The following ADAMTSL1 variants were observed in gnomAD, a reference collection of about 807,000 sequenced individuals.
ADAMTSL1 encodes the protein ADAMTS-like protein 1.
A neutral mutation model predicts 201.8 loss-of-function variants in ADAMTSL1; 126 were observed. The ratio of observed to expected loss-of-function variants is 0.62; its 90% confidence interval spans 0.54 to 0.72. ADAMTSL1 has a LOEUF of 0.72. Ranked by LOEUF, ADAMTSL1 falls within the 30% of genes least tolerant of loss-of-function variation. The pLI is 0.00. For synonymous variants in ADAMTSL1, 1,121 were observed against 903.4 expected (o/e 1.24, Z -4.32); for missense variants, 2,679 against 2,277.8 (o/e 1.18, Z -3.59).
At chr9:18,432,102 A>G (rs1173542599) in intron 2 of ADAMTSL1, among the ~76,000 whole-genome samples, 1 of 152,224 alleles carries the variant, frequency 6.6e-6, no homozygotes, top group East Asian at 1.9e-4. Context: ...CCAGCTCATT[A>G]ACTTTGGTCT....
At chr9:18,683,810 C>T (rs1830665146) in intron 12 of ADAMTSL1, among the ~76,000 whole-genome samples, 1 of 152,180 alleles carries the variant, frequency 6.6e-6, no homozygotes. Flanking sequence ...TCTGGATTTT[C>T]ACAACCAAGG....
chr9:18,054,719 A>G (rs1822096987), intron 1 of ADAMTSL1, among the ~76,000 whole-genome samples: 1 of 152,236 alleles, frequency 6.6e-6, no homozygotes, highest in Admixed American at 6.5e-5. Context: ...TTGGGGTTAC[A>G]TGTACTTCAA....
In ADAMTSL1 at chr9:18,561,624, G is replaced by A. The variant is rs147743290; in HGVS notation, c.238-12406G>A. Reference sequence around the variant, plus strand: ...TGTTGATCTGTCTAATATTGACAGTGGGGTGTTAAAATCTCTCAATATTAT... The same window carrying A: ...TGTTGATCTGTCTAATATTGACAGTAGGGTGTTAAAATCTCTCAATATTAT... On this transcript the variant is annotated intron_variant, in intron 3 of 28. Coordinates refer to ENST00000380548, the MANE Select transcript of ADAMTSL1 (RefSeq NM_001040272.6). Among the ~76,000 whole-genome samples, 5 of 152,250 alleles carry A rather than the reference G, an allele frequency of 3.3e-5. No homozygotes were observed. The East Asian group carries it at 7.7e-4, about 23-fold the overall frequency.
rs111725512 is a variant in ADAMTSL1 at position 18,855,087 on chromosome 9, T to G, written c.4249+25110T>G. Among the ~76,000 whole-genome samples the G allele has an allele frequency of 5.9e-3, 898 of 152,302 alleles. 9 individuals carry two copies. Among genetic ancestry groups the G allele is most frequent in the African/African-American group, 0.021 (864 of 41,544 alleles). ...CTACTCTGTGCCAAGAATTCTGATATCTTGACCATCACAGAGCTTACAGAT... is the reference window on the plus strand; with the variant it reads ...CTACTCTGTGCCAAGAATTCTGATAGCTTGACCATCACAGAGCTTACAGAT... On this transcript the variant is annotated intron_variant, in intron 23 of 28. Coordinates refer to ENST00000380548, the MANE Select transcript of ADAMTSL1 (RefSeq NM_001040272.6).
At chr9:18,026,402 G>A (rs1820697113) in intron 1 of ADAMTSL1, among the ~76,000 whole-genome samples, 1 of 151,746 alleles carries the variant, frequency 6.6e-6, no homozygotes, top group South Asian at 2.1e-4. Context: ...CTTTGTTTAG[G>A]GTTTTACTTG....
At chr9:18,846,171 G>A (rs893519495) in intron 23 of ADAMTSL1, among the ~76,000 whole-genome samples, 2 of 152,204 alleles carry the variant, frequency 1.3e-5, no homozygotes, top group Admixed American at 1.3e-4. Context: ...AGGTACTGAG[G>A]ACACAGTAAT....
chr9:18,445,404 A>G (rs904496161), intron 2 of ADAMTSL1, among the ~76,000 whole-genome samples: 37 of 152,170 alleles, frequency 2.4e-4, no homozygotes, highest in African/African-American at 6.5e-4. Flanking sequence ...GAGTTCACCT[A>G]CATTCCTACA....
chr9:17,932,278 C>T (rs974491315), intron 1 of ADAMTSL1, among the ~76,000 whole-genome samples: 7 of 152,170 alleles, frequency 4.6e-5, no homozygotes, highest in Admixed American at 1.3e-4. Flanking sequence ...CCTGGGTTGG[C>T]AATTCCAGGG....
chr9:18,722,032 G>A (rs1833419403), intron 15 of ADAMTSL1, among the ~76,000 whole-genome samples: 1 of 152,164 alleles, frequency 6.6e-6, no homozygotes, highest in Admixed American at 6.5e-5. Context: ...TAATGAACTG[G>A]TCTGTGAATT....
rs140907781 is a variant in ADAMTSL1, at chr9:18,703,045, A to T, written c.1575-3702A>T. Among the ~76,000 whole-genome samples, 677 of 152,318 alleles carry T rather than the reference A, an allele frequency of 4.4e-3. 9 individuals are homozygous for T. Among genetic ancestry groups the T allele is most frequent in the African/African-American group, 0.016 (652 of 41,558 alleles). ...CCAAAGTGCTGGGATCCCAGGCGTGAGTGCCCGGCCGACAAGAAGAATTTT... is the reference window on the plus strand; with the variant it reads ...CCAAAGTGCTGGGATCCCAGGCGTGTGTGCCCGGCCGACAAGAAGAATTTT... On this transcript the variant is annotated intron_variant, in intron 13 of 28. Transcript: ENST00000380548.
intron 1 of ADAMTSL1, among the ~76,000 whole-genome samples, chr9:18,491,344 A>G (rs1444254489): frequency 6.6e-6 from 1 of 152,192 alleles, no homozygotes; most frequent in Non-Finnish European, 1.5e-5. Flanking sequence ...AACTTTTCAC[A>G]TTGCTAAGCA....
At chr9:18,875,239 T>C (rs1212425597) in intron 23 of ADAMTSL1, among the ~76,000 whole-genome samples, 2 of 152,130 alleles carry the variant, frequency 1.3e-5, no homozygotes, top group Non-Finnish European at 2.9e-5. Flanking sequence ...CTATTTTTTG[T>C]TTCAATTTCA....
At chr9:18,184,959 G>C (rs1412702390) in intron 2 of ADAMTSL1, among the ~76,000 whole-genome samples, 1 of 152,078 alleles carries the variant, frequency 6.6e-6, no homozygotes, top group Non-Finnish European at 1.5e-5. Flanking sequence ...ATACTAAGCA[G>C]GTTGATTAAT....
At chr9:18,536,515 T>C (rs535703485) in intron 3 of ADAMTSL1, among the ~76,000 whole-genome samples, 3 of 151,806 alleles carry the variant, frequency 2.0e-5, no homozygotes, top group South Asian at 4.2e-4. Context: ...CTATAAGTAG[T>C]ATGTCAATAC....
chr9:18,113,359 G>A (rs1825112759), intron 1 of ADAMTSL1, among the ~76,000 whole-genome samples: 1 of 152,122 alleles, frequency 6.6e-6, no homozygotes, highest in South Asian at 2.1e-4. Context: ...GGGGAGGTTA[G>A]ATGGGATTGG....
chr9:18,721,363 C>T (rs1833356964), intron 14 of ADAMTSL1, among the ~76,000 whole-genome samples, 173 bp from the exon 15 acceptor site: 1 of 152,162 alleles, frequency 6.6e-6, no homozygotes, highest in South Asian at 2.1e-4. Context: ...TCTCCCAGCT[C>T]AAGTGATGCT....
intron 26 of ADAMTSL1, among the ~76,000 whole-genome samples, chr9:18,894,677 G>A (rs901875547): frequency 6.6e-6 from 1 of 152,152 alleles, no homozygotes; most frequent in African/African-American, 2.4e-5. Context: ...TTTAGTATGA[G>A]ATATCTAAGT....
chr9:18,342,758 T>C (rs757212533), intron 2 of ADAMTSL1, among the ~76,000 whole-genome samples: 1 of 152,124 alleles, frequency 6.6e-6, no homozygotes, highest in Non-Finnish European at 1.5e-5. Context: ...TTCTGAGTCT[T>C]CATTTGCTTT....
intron 9 of ADAMTSL1, among the ~76,000 whole-genome samples, chr9:18,674,033 A>C (rs546647033): frequency 6.6e-6 from 1 of 151,330 alleles, no homozygotes; most frequent in African/African-American, 2.4e-5. Context: ...ATTTCTTATC[A>C]TCTGTCAGAA....
Sources: allele counts gnomAD v4.1 joint callset (sites outside exome capture counted in the v4.1 genomes callset), GRCh38; gene constraint gnomAD v4.1.1; transcripts MANE v1.5; gene names NCBI Gene and HGNC (gene_info 2026-07-23, HGNC 2026-07-21).